The following SPACA9 variants were observed in gnomAD, a reference collection of about 807,000 sequenced individuals.
The protein encoded by SPACA9 is sperm acrosome associated 9.
In SPACA9, 14 loss-of-function variants were observed where a neutral mutation model predicts 12.5. The ratio of observed to expected loss-of-function variants is 1.12; its 90% CI spans 0.74 to 1.75. The LOEUF (loss-of-function observed/expected upper bound fraction) is 1.75. SPACA9 is among the 40% of genes most tolerant of loss of function. The probability of loss-of-function intolerance (pLI) is 0.00; values close to 1 mark genes in which losing one functional copy is unlikely to be tolerated. For missense variants in SPACA9, 292 were observed against 291.9 expected (o/e 1.00, Z 0.00); for synonymous variants, 111 against 114.1 (o/e 0.97, Z 0.17).
Position 132,887,481 on chromosome 9 carries a change from T to A in SPACA9, c.257T>A (p.Val86Glu). The A allele has an allele frequency of 6.2e-7, 1 of 1,614,016 alleles. No individual in the cohort carries two copies. Among genetic ancestry groups the A allele is most frequent in the African/African-American group, 1.3e-5 (1 of 75,018 alleles). Reference sequence around the variant, plus strand: ...AAGCTCTGCCAGCACTTTGAGGCCGTGCACTCTGGCACCCCAGTCACCAAC... The same window carrying A: ...AAGCTCTGCCAGCACTTTGAGGCCGAGCACTCTGGCACCCCAGTCACCAAC... ...LNKLCQHFEAVHSGTPVTNNL... is the reference protein window; with the variant it reads ...LNKLCQHFEAEHSGTPVTNNL... Residue 86 changes from valine (V) to glutamate (E), a missense_variant, in exon 3 of 4, where the codon GTG becomes GAG. Transcript: ENST00000356311. This position sits in a 1 kb window ranked among gnomAD's most constrained non-coding sequence, Gnocchi z 5.4.
In SPACA9 at chr9:132,887,445, C is replaced by G; in HGVS notation, c.221C>G (p.Ser74Ter). 1 of 1,613,518 alleles carries G rather than the reference C, an allele frequency of 6.2e-7. No homozygotes were observed. Among genetic ancestry groups the G allele is most frequent in the East Asian group, 2.2e-5 (1 of 44,878 alleles). Residue 74 changes from serine (S) to a stop codon, truncating the protein, a stop_gained, in exon 3 of 4, where the codon TCA becomes TGA. Transcript: ENST00000356311. LOFTEE classifies it high-confidence loss of function. The surrounding 1 kb of genome is among the most constrained non-coding windows in gnomAD (Gnocchi z 5.4). ...CTGCTCATGTTCCTGGACATCTGTT[C>G]AGAGCTGAATAAGCTCTGCCAGCAC... ...RVLLMFLDIC[S>*]ELNKLCQHFE...
chr9:132,887,556 G>A lies in SPACA9; in HGVS notation c.332G>A (p.Ser111Asn). ...KTLVSQSNDL[S>N]SLRAKYPHDV... Reference sequence around the variant, plus strand: ...CTCGTTAGCCAAAGCAACGACTTAAGCAGCCTCAGAGCAAAGTAAGTCCCT... The same window carrying A: ...CTCGTTAGCCAAAGCAACGACTTAAACAGCCTCAGAGCAAAGTAAGTCCCT... Residue 111 changes from serine (S) to asparagine (N), a missense_variant, in exon 3 of 4, where the codon AGC becomes AAC. By Grantham distance (46) the Ser-to-Asn change is conservative. Coordinates refer to ENST00000356311, the MANE Select transcript of SPACA9 (RefSeq NM_001316897.2). This position sits in a 1 kb window ranked among gnomAD's most constrained non-coding sequence, Gnocchi z 5.4. The A allele has an allele frequency of 6.2e-7, 1 of 1,614,034 alleles. No homozygotes were observed. Among genetic ancestry groups the A allele is most frequent in the South Asian group, 1.1e-5 (1 of 91,078 alleles).
chr9:132,889,980 T>C lies in SPACA9; in HGVS notation c.*1369T>C, dbSNP rs565423191. On this transcript the variant is annotated 3_prime_UTR_variant, in exon 4 of 4. Transcript: ENST00000356311. The stretch of plus-strand genomic sequence containing the variant: ...AGGGGACGACTTAGCTTCTGTATTA[T>C]TGTTGCTTCCTCAGGGGGAGACAGT... 1 of 1,515,764 alleles carries C rather than the reference T, an allele frequency of 6.6e-7. No homozygotes were observed. The highest frequency in any genetic ancestry group is 8.9e-7 in the Non-Finnish European group (1 of 1,125,764). The allele number at this position is 1,515,764 out of a possible 1,614,324, so 93.9% of individuals were successfully genotyped here.
intron 2 of SPACA9, among the ~76,000 whole-genome samples, chr9:132,886,866 C>T (rs1844580334): frequency 6.6e-6 from 1 of 152,072 alleles, no homozygotes; most frequent in Non-Finnish European, 1.5e-5. Flanking sequence ...GGCTGGAGTG[C>T]AGTGGCATGA....
chr9:132,888,924 C>A lies in SPACA9; in HGVS notation c.*313C>A. 1.7e-6 allele frequency: 1 copy of A among 593,188 alleles called. No homozygotes were observed. The highest frequency in any genetic ancestry group is 2.3e-6 in the Non-Finnish European group (1 of 435,348). The allele number at this position is 593,188 out of a possible 1,614,324, so 36.7% of individuals were successfully genotyped here. On this transcript the variant is annotated 3_prime_UTR_variant, in exon 4 of 4. Coordinates refer to ENST00000356311, the MANE Select transcript of SPACA9 (RefSeq NM_001316897.2). This position sits in a 1 kb window ranked among gnomAD's most constrained non-coding sequence, Gnocchi z 5.0. ...CTGGGACTACAGGCGCCCACCACCT[C>A]GCCTGGCTAATTTTTTGTATTTTTA...
chr9:132,885,690 AAAG>A (rs1324475064), intron 2 of SPACA9, among the ~76,000 whole-genome samples: 1 of 152,138 alleles, frequency 6.6e-6, no homozygotes, highest in East Asian at 1.9e-4. Flanking sequence ...TCGGGGGAAA[AAAG>A]AAAAGAAACT....
rs1300618629 is a variant in SPACA9 at position 132,887,405 on chromosome 9, A to G, written c.181A>G (p.Thr61Ala). 8 of 1,613,328 alleles carry G rather than the reference A, an allele frequency of 5.0e-6. No individual in the cohort carries two copies. The highest frequency in any genetic ancestry group is 1.1e-5 in the South Asian group (1 of 91,074). The change falls in exon 3 of 4, where the codon ACA becomes GCA. Residue 61 changes from threonine to alanine, a missense_variant. Physicochemically the swap from Thr to Ala is moderately conservative, Grantham distance 58 (BLOSUM62 0). Coordinates refer to ENST00000356311, the MANE Select transcript of SPACA9 (RefSeq NM_001316897.2). The surrounding 1 kb of genome is among the most constrained non-coding windows in gnomAD (Gnocchi z 5.4). ...CATGGAACACTACTGCAACAGCTCCACAGACCGGCGGGTTCTGCTCATGTT... is the reference window on the plus strand; with the variant it reads ...CATGGAACACTACTGCAACAGCTCCGCAGACCGGCGGGTTCTGCTCATGTT... ...SYMEHYCNSS[T>A]DRRVLLMFLD...
chr9:132,880,924 G>A (rs1307474942), intron 1 of SPACA9, among the ~76,000 whole-genome samples: 1 of 150,296 alleles, frequency 6.7e-6, no homozygotes, highest in African/African-American at 2.5e-5. Flanking sequence ...CCAGGTTCAC[G>A]CCATTCTCCT....
At chr9:132,885,613 A>T (rs1050538651) in intron 2 of SPACA9, among the ~76,000 whole-genome samples, 9 of 151,868 alleles carry the variant, frequency 5.9e-5, no homozygotes, top group African/African-American at 2.2e-4. Flanking sequence ...CAATTTAGCC[A>T]TATTTGCCCA....
Position 132,881,364 on chromosome 9 carries a change from A to T in SPACA9, c.-38+2350A>T, listed in dbSNP as rs190898065. On this transcript the variant is annotated intron_variant, in intron 1 of 3. Coordinates refer to ENST00000356311, the MANE Select transcript of SPACA9 (RefSeq NM_001316897.2). ...ATACCTGAGGTCCCAGCTACTCAAGAGGCTGAGGCGGGAGGATCACTTGAG... is the reference window on the plus strand; with the variant it reads ...ATACCTGAGGTCCCAGCTACTCAAGTGGCTGAGGCGGGAGGATCACTTGAG... Among the ~76,000 whole-genome samples, 9 of 151,562 alleles carry T rather than the reference A, an allele frequency of 5.9e-5. No individual in the cohort carries two copies. In the East Asian group the frequency reaches 1.8e-3, roughly 30 times the overall value.
chr9:132,890,042 C>A, downstream of SPACA9: 2 of 1,387,982 alleles, frequency 1.4e-6, no homozygotes, highest in Non-Finnish European at 1.9e-6. Flanking sequence ...CTCTGCCTGA[C>A]TTGGTTTCCT....
At chr9:132,883,319 A>G (rs756227888) in intron 1 of SPACA9, among the ~76,000 whole-genome samples, 4 of 152,232 alleles carry the variant, frequency 2.6e-5, no homozygotes, top group Non-Finnish European at 5.9e-5. Context: ...TTCTCAAACT[A>G]GACAGTCTAG....
In SPACA9 at chr9:132,888,344, C is replaced by T. The variant is rs537630425; in HGVS notation, c.402C>T (p.Tyr134=). Residue 134 remains tyrosine, a synonymous_variant, in exon 4 of 4, where the codon TAC becomes TAT. Coordinates refer to ENST00000356311, the MANE Select transcript of SPACA9 (RefSeq NM_001316897.2). The surrounding 1 kb of genome is among the most constrained non-coding windows in gnomAD (Gnocchi z 5.0). ...HLSCDEARNH[Y]GGVVSLIPLI... is the part of the protein sequence containing the mutation. Reference sequence around the variant, plus strand: ...GCTGTGACGAGGCCCGGAACCACTACGGCGGCGTGGTCAGCCTCATCCCCC... The same window carrying T: ...GCTGTGACGAGGCCCGGAACCACTATGGCGGCGTGGTCAGCCTCATCCCCC... The T allele has an allele frequency of 8.6e-5, 139 of 1,613,978 alleles. No individual in the cohort carries two copies. The highest frequency in any genetic ancestry group is 3.0e-4 in the Admixed American group (18 of 60,000).
rs190134223 is a variant in SPACA9, at chr9:132,885,997, G to A, written c.145-1372G>A. Among the ~76,000 whole-genome samples the A allele has an allele frequency of 2.4e-4, 36 of 152,324 alleles. No homozygotes were observed. The East Asian group carries it at 4.6e-3, about 20-fold the overall frequency. On this transcript the variant is annotated intron_variant, in intron 2 of 3. Coordinates refer to ENST00000356311, the MANE Select transcript of SPACA9 (RefSeq NM_001316897.2). ...CCCCTACAGGTGCCTTTGTGGGTAT[G>A]AGTGTGAAGAGCCTCTCCCCCTTAC... is the stretch of plus-strand genomic sequence containing the variant.
chr9:132,887,307 C>T lies in SPACA9; in HGVS notation c.145-62C>T, dbSNP rs929476612. 4.2e-5 allele frequency: 64 copies of T among 1,507,408 alleles called. No individual in the cohort carries two copies. The highest frequency in any genetic ancestry group is 4.7e-4 in the Middle Eastern group (2 of 4,298). The allele number at this position is 1,507,408 out of a possible 1,614,324, so 93.4% of individuals were successfully genotyped here. A position where few individuals can be genotyped will look rare whatever the true frequency, so the allele number is the denominator to read the frequency against. On this transcript the variant is annotated intron_variant, in intron 2 of 3. Transcript: ENST00000356311. The surrounding 1 kb of genome is among the most constrained non-coding windows in gnomAD (Gnocchi z 5.4). The stretch of plus-strand genomic sequence containing the variant: ...GGGTGGGTGCTTCTGGACATTTGCA[C>T]CATAAGCCAGCCAGGACCCGGGTTG...
At position 132,889,927 on chromosome 9, in the gene SPACA9, A is replaced by G; in HGVS notation, c.*1316A>G. The G allele has an allele frequency of 6.8e-7, 1 of 1,477,198 alleles. No individual in the cohort carries two copies. Among genetic ancestry groups the G allele is most frequent in the Non-Finnish European group, 9.0e-7 (1 of 1,105,026 alleles). 91.5% of individuals were successfully genotyped at this position (1,477,198 alleles called of 1,614,324 possible). A position where few individuals can be genotyped will look rare whatever the true frequency, so the allele number is the denominator to read the frequency against. On this transcript the variant is annotated 3_prime_UTR_variant, in exon 4 of 4. Transcript: ENST00000356311. ...CTGGCTTCTGAGCTTGCCCAAAGTA[A>G]TGTCTGACTGTTGGTTTTTCCCTTC... is the stretch of plus-strand genomic sequence containing the variant.
In SPACA9 at chr9:132,889,874, C is replaced by A; in HGVS notation, c.*1263C>A. Reference sequence around the variant, plus strand: ...GATGACCTGGTTTTCACAGCGTAGTCGAACCCCAAACATTGTAAAATGTGT... The same window carrying A: ...GATGACCTGGTTTTCACAGCGTAGTAGAACCCCAAACATTGTAAAATGTGT... On this transcript the variant is annotated 3_prime_UTR_variant, in exon 4 of 4. Coordinates refer to ENST00000356311, the MANE Select transcript of SPACA9 (RefSeq NM_001316897.2). 7.2e-7 allele frequency: 1 copy of A among 1,394,032 alleles called. No individual in the cohort carries two copies. The highest frequency in any genetic ancestry group is 2.6e-5 in the Admixed American group (1 of 38,490). 86.4% of individuals were successfully genotyped at this position (1,394,032 alleles called of 1,614,324 possible).
rs375286305 is a variant in SPACA9, at chr9:132,887,335, A to G, written c.145-34A>G. 279 of 1,598,328 alleles carry G rather than the reference A, an allele frequency of 1.7e-4. No homozygotes were observed. The highest frequency in any genetic ancestry group is 2.3e-4 in the Non-Finnish European group (273 of 1,174,462). ...TAAGCCAGCCAGGACCCGGGTTGGC[A>G]TGTCCCCAGCTCATGTGGCGGCGGC... On this transcript the variant is annotated intron_variant, in intron 2 of 3. Coordinates refer to ENST00000356311, the MANE Select transcript of SPACA9 (RefSeq NM_001316897.2). The surrounding 1 kb of genome is among the most constrained non-coding windows in gnomAD (Gnocchi z 5.4).
At chr9:132,882,893 C>T (rs1263619559) in intron 1 of SPACA9, among the ~76,000 whole-genome samples, 1 of 152,144 alleles carries the variant, frequency 6.6e-6, no homozygotes, top group Non-Finnish European at 1.5e-5. Context: ...GTGTCTTGGG[C>T]ACAAATTTGC....
Sources: gnomAD v4.1 joint callset for allele counts (sites outside exome capture counted in the v4.1 genomes callset) on GRCh38, gnomAD v4.1.1 for gene constraint, Gnocchi (gnomAD v3.1) non-coding constraint, MANE v1.5 for transcripts, NCBI Gene and HGNC (gene_info 2026-07-23, HGNC 2026-07-21) for gene names.